Variants in CDH13 observed in about 807,000 individuals in gnomAD.
The protein encoded by CDH13 is cadherin-13.
In CDH13, 24 loss-of-function variants were observed where a neutral mutation model predicts 63.8. The observed-to-expected ratio is 0.38, with a 90% CI of 0.27 to 0.53. CDH13 has a LOEUF of 0.53. CDH13 is among the 20% of genes least tolerant of loss of function. CDH13 has a pLI of 0.85. For missense variants in CDH13, 1,049 were observed against 903.1 expected (o/e 1.16, Z -2.07); for synonymous variants, 503 against 355.3 (o/e 1.42, Z -4.67).
intron 1 of CDH13, among the ~76,000 whole-genome samples, chr16:82,805,601 A>C (rs985708000): frequency 3.9e-5 from 6 of 152,170 alleles, no homozygotes; most frequent in Admixed American, 2.6e-4. Context: ...TATGACAAGC[A>C]GGAATGTCAT....
intron 4 of CDH13, among the ~76,000 whole-genome samples, chr16:83,195,619 C>A (rs1009959959): frequency 9.2e-5 from 14 of 152,098 alleles, no homozygotes; most frequent in Non-Finnish European, 2.9e-5. Flanking sequence ...CGCCGTGATC[C>A]CATCACCTCC....
chr16:83,678,712 A>G (rs1235542375), intron 10 of CDH13, among the ~76,000 whole-genome samples: 1 of 152,086 alleles, frequency 6.6e-6, no homozygotes, highest in Non-Finnish European at 1.5e-5. Context: ...TGTGTTCCCA[A>G]ATGACCAGCC....
intron 2 of CDH13, among the ~76,000 whole-genome samples, chr16:82,917,161 A>G (rs1012395182): frequency 3.3e-5 from 5 of 152,192 alleles, no homozygotes; most frequent in African/African-American, 1.2e-4. Flanking sequence ...TGAAAGGAAG[A>G]CGCTTACAAA....
chr16:83,429,266 A>T lies in CDH13; in HGVS notation c.782-57211A>T, dbSNP rs545055299. On this transcript the variant is annotated intron_variant, in intron 6 of 13. Transcript: ENST00000567109. Reference sequence around the variant, plus strand: ...TGACAAGAGTGGCCCATTTTCTAAGATTGGTCCAGAGCAGGACACTCTTTG... The same window carrying T: ...TGACAAGAGTGGCCCATTTTCTAAGTTTGGTCCAGAGCAGGACACTCTTTG... 3.5e-4 allele frequency among the ~76,000 whole-genome samples: 54 copies of T among 152,288 alleles called. 1 individual carries two copies. Among genetic ancestry groups the T allele is most frequent in the African/African-American group, 1.2e-3 (51 of 41,568 alleles).
chr16:83,435,004 T>TG (rs1387656568), intron 6 of CDH13, among the ~76,000 whole-genome samples: 1 of 147,912 alleles, frequency 6.8e-6, no homozygotes, highest in East Asian at 1.9e-4. Context: ...TATATGTATA[T>TG]ATATACACAC....
intron 1 of CDH13, among the ~76,000 whole-genome samples, chr16:82,780,383 A>C (rs1406526786): frequency 6.6e-6 from 1 of 152,166 alleles, no homozygotes; most frequent in Non-Finnish European, 1.5e-5. Flanking sequence ...AAATGACTGC[A>C]CGGGACCAGA....
At chr16:83,044,750 G>A (rs1380533509) in intron 3 of CDH13, among the ~76,000 whole-genome samples, 7 of 152,188 alleles carry the variant, frequency 4.6e-5, no homozygotes, top group Admixed American at 2.6e-4. Flanking sequence ...TTAGGTCGCG[G>A]TCGTGGAGTT....
intron 6 of CDH13, among the ~76,000 whole-genome samples, chr16:83,419,463 A>G (rs1158933824): frequency 6.6e-6 from 1 of 152,196 alleles, no homozygotes; most frequent in Non-Finnish European, 1.5e-5. Flanking sequence ...CCAATAAGTT[A>G]CCTTCTACTT....
intron 5 of CDH13, among the ~76,000 whole-genome samples, chr16:83,236,440 A>G (rs954345828): frequency 1.3e-5 from 2 of 152,234 alleles, no homozygotes; most frequent in African/African-American, 2.4e-5. Context: ...ATAACATCCT[A>G]TAAGAAAATC....
intron 5 of CDH13, among the ~76,000 whole-genome samples, chr16:83,289,408 A>G (rs139646482): frequency 3.3e-5 from 5 of 152,244 alleles, no homozygotes; most frequent in Non-Finnish European, 7.4e-5. Context: ...ATGCTTTATA[A>G]AAATGCAGAT....
Position 83,188,321 on chromosome 16 carries a change from G to C in CDH13, c.484-29024G>C, listed in dbSNP as rs562986595. ...GCCCAGAGCAATGGTGGTGGAAGGGGAGAGGCGTGGTTATGGCCGTATTCT... is the reference window on the plus strand; with the variant it reads ...GCCCAGAGCAATGGTGGTGGAAGGGCAGAGGCGTGGTTATGGCCGTATTCT... On this transcript the variant is annotated intron_variant, in intron 4 of 13. Coordinates refer to ENST00000567109, the MANE Select transcript of CDH13 (RefSeq NM_001257.5). 7.9e-5 allele frequency among the ~76,000 whole-genome samples: 12 copies of C among 152,332 alleles called. No individual in the cohort carries two copies. In the East Asian group the frequency reaches 2.3e-3, roughly 29 times the overall value.
intron 1 of CDH13, among the ~76,000 whole-genome samples, chr16:82,813,807 A>C (rs1157542644): frequency 6.6e-6 from 1 of 152,192 alleles, no homozygotes; most frequent in African/African-American, 2.4e-5. Context: ...ATTTTGGCGA[A>C]AAGATAGATT....
At chr16:82,850,840 T>A (rs945784589) in intron 1 of CDH13, among the ~76,000 whole-genome samples, 2 of 152,206 alleles carry the variant, frequency 1.3e-5, no homozygotes, top group Admixed American at 1.3e-4. Context: ...TCATTAGCAT[T>A]TTTTAGTAAA....
chr16:83,097,196 A>T (rs926521668), intron 3 of CDH13, among the ~76,000 whole-genome samples: 4 of 152,214 alleles, frequency 2.6e-5, no homozygotes, highest in African/African-American at 7.2e-5. Flanking sequence ...ATTGAGTCTA[A>T]CTGATATGAA....
At chr16:82,706,929 C>A (rs887420456) in intron 1 of CDH13, among the ~76,000 whole-genome samples, 1 of 152,226 alleles carries the variant, frequency 6.6e-6, no homozygotes, top group Non-Finnish European at 1.5e-5. Context: ...TCTAGTTTAG[C>A]CCTCTCTTCT....
rs1444768009 is a variant in CDH13, at chr16:83,447,138, G to A, written c.782-39339G>A. 1.4e-4 allele frequency among the ~76,000 whole-genome samples: 8 copies of A among 55,534 alleles called. No individual in the cohort carries two copies. In the East Asian group the frequency reaches 2.5e-3, roughly 18 times the overall value. 36.4% of individuals were successfully genotyped at this position (55,534 alleles called of 152,430 possible). On this transcript the variant is annotated intron_variant, in intron 6 of 13. Transcript: ENST00000567109. ...TTTTTTTTTTTTTTGGTTTGTGCTG[G>A]ATGCGGTGGCTCACGCCTGTAATCC...
intron 3 of CDH13, among the ~76,000 whole-genome samples, chr16:83,044,567 C>A (rs1162656022): frequency 6.6e-6 from 1 of 152,204 alleles, no homozygotes; most frequent in Non-Finnish European, 1.5e-5. Flanking sequence ...TGATCTCATT[C>A]ATCTTCATAG....
intron 1 of CDH13, among the ~76,000 whole-genome samples, chr16:82,637,096 T>A (rs1908747685): frequency 6.6e-6 from 1 of 152,180 alleles, no homozygotes; most frequent in African/African-American, 2.4e-5. Flanking sequence ...ATTATCTAAA[T>A]CATTATCACT....
chr16:83,248,589 A>G (rs938378945), intron 5 of CDH13, among the ~76,000 whole-genome samples: 2 of 152,200 alleles, frequency 1.3e-5, no homozygotes, highest in African/African-American at 4.8e-5. Flanking sequence ...CTTCTGTGAT[A>G]CTAAGTTTCC....
Sources: allele counts gnomAD v4.1 joint callset (sites outside exome capture counted in the v4.1 genomes callset), GRCh38; gene constraint gnomAD v4.1.1; transcripts MANE v1.5; gene names NCBI Gene and HGNC (gene_info 2026-07-23, HGNC 2026-07-21).